SNX29: variants seen among roughly 807,000 people sequenced by gnomAD.
The protein encoded by SNX29 is sorting nexin-29.
Under a neutral mutation model 102.1 loss-of-function variants are expected in SNX29, and 78 were observed. That is an observed-to-expected ratio of 0.76 (90% CI 0.64 to 0.92). The LOEUF is 0.92. Ranked by LOEUF, SNX29 falls within the 40% of genes least tolerant of loss-of-function variation. SNX29 has a pLI of 0.00. For synonymous variants in SNX29, 580 were observed against 414.5 expected, an observed-to-expected ratio of 1.40 and a Z score of -4.85; for missense variants, 1,280 against 1,061.7, an observed-to-expected ratio of 1.21 and a Z score of -2.86.
intron 11 of SNX29, among the ~76,000 whole-genome samples, chr16:12,101,955 C>T (rs1006978608): frequency 1.4e-4 from 21 of 152,060 alleles, no homozygotes; most frequent in Admixed American, 1.2e-3. Flanking sequence ...TGTGATGTTC[C>T]CCTCCCTGTG....
chr16:11,989,483 T>C (rs2055759608), intron 1 of SNX29, among the ~76,000 whole-genome samples: 1 of 152,156 alleles, frequency 6.6e-6, no homozygotes. Flanking sequence ...GCCCTGACTT[T>C]GGGGGAGAAC....
rs578153825 is a variant in SNX29 at position 12,216,251 on chromosome 16, C to T, written c.1678+16568C>T. 5.9e-5 allele frequency among the ~76,000 whole-genome samples: 9 copies of T among 152,202 alleles called. No homozygotes were observed. The South Asian group carries it at 1.0e-3, about 18-fold the overall frequency. On this transcript the variant is annotated intron_variant, in intron 14 of 20. Transcript: ENST00000566228. The stretch of plus-strand genomic sequence containing the variant: ...GTTAATATTTTGGAATATATTTTTC[C>T]GAGTAGGTATGGCACTTTGCCACAA...
At chr16:12,279,398 C>T (rs1174165597) in intron 15 of SNX29, among the ~76,000 whole-genome samples, 1 of 152,228 alleles carries the variant, frequency 6.6e-6, no homozygotes, top group Non-Finnish European at 1.5e-5. Flanking sequence ...CTCAGGTGAG[C>T]TCAAGGGAAG....
intron 4 of SNX29, chr16:12,029,635 A>G: frequency 2.2e-6 from 1 of 451,390 alleles, no homozygotes. Flanking sequence ...TCTGTTGCCC[A>G]GTCTGGAGTG....
At chr16:12,109,238 G>T (rs981794121) in intron 11 of SNX29, among the ~76,000 whole-genome samples, 1 of 151,848 alleles carries the variant, frequency 6.6e-6, no homozygotes, top group African/African-American at 2.4e-5. Flanking sequence ...CTTCTTGCTG[G>T]TGGGGACTCT....
chr16:12,269,629 A>G (rs2079032156), intron 14 of SNX29, among the ~76,000 whole-genome samples: 1 of 152,196 alleles, frequency 6.6e-6, no homozygotes, highest in Non-Finnish European at 1.5e-5. Context: ...GGCAAAATAC[A>G]AATTTCTGAA....
intron 14 of SNX29, among the ~76,000 whole-genome samples, chr16:12,222,231 A>G (rs957170488): frequency 6.6e-6 from 1 of 152,178 alleles, no homozygotes; most frequent in Non-Finnish European, 1.5e-5. Context: ...GTAAAGTTAC[A>G]TTGATTTCTG....
rs368482101 is a variant in SNX29, at chr16:12,129,750, G to A, written c.1587G>A (p.Ala529=). The change falls in exon 13 of 21, where the codon GCG becomes GCA. Residue 529 remains alanine, a synonymous_variant. Coordinates refer to ENST00000566228, the MANE Select transcript of SNX29 (RefSeq NM_032167.5). Reference sequence around the variant, plus strand: ...AGCGGCAGGGCATGAAGGTCCAGGCGCTGGCCAGGTAGGAGAGGGTGAGGG... The same window carrying A: ...AGCGGCAGGGCATGAAGGTCCAGGCACTGGCCAGGTAGGAGAGGGTGAGGG... ...QEERQGMKVQ[A]LARENEVLKV... The A allele has an allele frequency of 4.4e-6, 7 of 1,606,580 alleles. No homozygotes were observed. Among genetic ancestry groups the A allele is most frequent in the Non-Finnish European group, 5.1e-6 (6 of 1,177,450 alleles).
At chr16:12,012,252 G>C (rs2056678734) in intron 3 of SNX29, among the ~76,000 whole-genome samples, 1 of 152,130 alleles carries the variant, frequency 6.6e-6, no homozygotes, top group South Asian at 2.1e-4. Context: ...TAGGCAGAGG[G>C]AATAGCAGAT....
chr16:12,025,772 T>A (rs143349772), intron 3 of SNX29, among the ~76,000 whole-genome samples: 98 of 152,244 alleles, frequency 6.4e-4, no homozygotes, highest in African/African-American at 2.3e-3. Context: ...CGAGTAAAGA[T>A]TGAGTAAGGT....
Position 12,206,892 on chromosome 16 carries a change from C to G in SNX29, c.1678+7209C>G, listed in dbSNP as rs1311150974. On this transcript the variant is annotated intron_variant, in intron 14 of 20. Transcript: ENST00000566228. The stretch of plus-strand genomic sequence containing the variant: ...GGAGTACAGCGTTTGGAACCACTGC[C>G]TTGGAGGATATCACTTTCCAATTAA... Among the ~76,000 whole-genome samples, 6 of 150,014 alleles carry G rather than the reference C, an allele frequency of 4.0e-5. No homozygotes were observed. In the East Asian group the frequency reaches 1.2e-3, roughly 29 times the overall value.
At chr16:12,308,558 G>T (rs1245571546) in intron 15 of SNX29, among the ~76,000 whole-genome samples, 2 of 152,076 alleles carry the variant, frequency 1.3e-5, no homozygotes, top group Non-Finnish European at 2.9e-5. Flanking sequence ...AACTTGTTGT[G>T]CACTCCTCCG....
intron 13 of SNX29, among the ~76,000 whole-genome samples, chr16:12,149,921 G>T (rs55937851): frequency 6.6e-6 from 1 of 152,094 alleles, no homozygotes; most frequent in East Asian, 1.9e-4. Context: ...TTGTGCCAAG[G>T]GGGAGAGGCA....
chr16:12,135,443 A>G (rs2054624489), intron 13 of SNX29: 1 of 1,181,944 alleles, frequency 8.5e-7, no homozygotes, highest in Admixed American at 2.3e-5. Context: ...TGCTCCATCC[A>G]TGAGGGCTTT....
At chr16:12,391,906 T>C (rs1278889373) in intron 16 of SNX29, among the ~76,000 whole-genome samples, 1 of 152,198 alleles carries the variant, frequency 6.6e-6, no homozygotes, top group East Asian at 1.9e-4. Flanking sequence ...TTTTGAAAGG[T>C]TAACAAGTCA....
At chr16:12,144,429 A>G (rs1417567983) in intron 13 of SNX29, among the ~76,000 whole-genome samples, 1 of 152,214 alleles carries the variant, frequency 6.6e-6, no homozygotes, top group African/African-American at 2.4e-5. Flanking sequence ...ATTACCAAGC[A>G]ACAGTATAAA....
intron 15 of SNX29, among the ~76,000 whole-genome samples, chr16:12,323,508 T>C (rs1174898157): frequency 8.1e-6 from 1 of 124,090 alleles, no homozygotes; most frequent in Non-Finnish European, 1.8e-5. Context: ...GTAGTCTGCC[T>C]AGAGGTTTTA....
chr16:12,562,708 G>A (rs1355189021), intron 20 of SNX29, among the ~76,000 whole-genome samples: 2 of 152,182 alleles, frequency 1.3e-5, no homozygotes, highest in Non-Finnish European at 2.9e-5. Context: ...CGAGATTGAA[G>A]CCTACCGTGG....
intron 20 of SNX29, among the ~76,000 whole-genome samples, chr16:12,558,610 A>T (rs1436550526): frequency 6.6e-6 from 1 of 152,134 alleles, no homozygotes; most frequent in African/African-American, 2.4e-5. Flanking sequence ...ACAGCTGCTC[A>T]CACAGTGCAG....
Sources: allele counts gnomAD v4.1 joint callset (sites outside exome capture counted in the v4.1 genomes callset), GRCh38; gene constraint gnomAD v4.1.1; transcripts MANE v1.5; gene names NCBI Gene and HGNC (gene_info 2026-07-23, HGNC 2026-07-21).